The following HSD17B11 variants were observed in gnomAD, a reference collection of about 807,000 sequenced individuals.
HSD17B11 encodes the protein estradiol 17-beta-dehydrogenase 11.
In HSD17B11, 22 loss-of-function variants were observed where a neutral mutation model predicts 27.8. That is an observed-to-expected ratio of 0.79 (90% CI 0.56 to 1.13). HSD17B11 has a LOEUF of 1.13. Ranked by LOEUF, HSD17B11 falls within the 50% of genes most tolerant of loss-of-function variation. HSD17B11 has a pLI of 0.00. For missense variants in HSD17B11, 314 were observed against 351.1 expected (o/e 0.89, Z 0.84); for synonymous variants, 117 against 132.8 (o/e 0.88, Z 0.82).
At chr4:87,388,278 C>T (rs2110135939) in intron 1 of HSD17B11, among the ~76,000 whole-genome samples, 1 of 152,052 alleles carries the variant, frequency 6.6e-6, no homozygotes, top group African/African-American at 2.4e-5. Flanking sequence ...ATTCTACATT[C>T]TTTTCTTCAT....
intron 5 of HSD17B11, among the ~76,000 whole-genome samples, chr4:87,342,580 T>A (rs774718032): frequency 9.2e-5 from 14 of 152,060 alleles, no homozygotes; most frequent in Non-Finnish European, 1.8e-4. Flanking sequence ...TGAAATTCTT[T>A]AGAAATAAAT....
At chr4:87,384,444 C>T (rs566028805) in intron 1 of HSD17B11, among the ~76,000 whole-genome samples, 4 of 151,982 alleles carry the variant, frequency 2.6e-5, no homozygotes, top group East Asian at 1.9e-4. Context: ...CCTGTGGGGT[C>T]GGGCAAAAAA....
rs574419093 is a variant in HSD17B11 at position 87,372,927 on chromosome 4, G to GA, written c.451-113dup. On this transcript the variant is annotated intron_variant, in intron 3 of 6. Coordinates refer to ENST00000358290, the MANE Select transcript of HSD17B11 (RefSeq NM_016245.5). The stretch of plus-strand genomic sequence containing the variant: ...TTTTAACATTAATCCTGTCATAAAT[G>GA]AAAAAAACAAACTAACTGACAAATG... 77 of 658,842 alleles carry GA rather than the reference G, an allele frequency of 1.2e-4. 1 individual carries two copies. In the South Asian group the frequency reaches 1.5e-3, roughly 13 times the overall value. 40.8% of individuals were successfully genotyped at this position (658,842 alleles called of 1,614,324 possible). A position where few individuals can be genotyped will look rare whatever the true frequency, so the allele number is the denominator to read the frequency against.
intron 4 of HSD17B11, among the ~76,000 whole-genome samples, chr4:87,357,854 A>AT (rs57790256): frequency 0.038 from 5,657 of 150,350 alleles, 371 homozygotes; most frequent in African/African-American, 0.13. Flanking sequence ...GCCTTTCCTA[A>AT]CCCCCAGTCT....
At chr4:87,355,061 G>C (rs933407504) in intron 5 of HSD17B11, among the ~76,000 whole-genome samples, 13 of 151,746 alleles carry the variant, frequency 8.6e-5, no homozygotes, top group African/African-American at 3.1e-4. Context: ...GTTACAGTGA[G>C]CCATGATCAC....
chr4:87,340,650 G>T lies in HSD17B11; in HGVS notation c.696-44C>A, dbSNP rs565393879. The stretch of plus-strand genomic sequence containing the variant: ...TTCAGAAACAAAATACTTCACCGAG[G>T]CTTCAGCTTTAGTTTGGTGCTAACC... On this transcript the variant is annotated intron_variant, in intron 5 of 6. Coordinates refer to ENST00000358290, the MANE Select transcript of HSD17B11 (RefSeq NM_016245.5). 1.9e-5 allele frequency: 25 copies of T among 1,329,082 alleles called. No homozygotes were observed. The South Asian group carries it at 2.2e-4, about 11-fold the overall frequency. The allele number at this position is 1,329,082 out of a possible 1,614,324, so 82.3% of individuals were successfully genotyped here.
At chr4:87,382,577 A>G (rs1720205260) in intron 1 of HSD17B11, among the ~76,000 whole-genome samples, 1 of 152,238 alleles carries the variant, frequency 6.6e-6, no homozygotes, top group Non-Finnish European at 1.5e-5. Flanking sequence ...ATTTAAAGCA[A>G]GCTTCTTAAA....
chr4:87,361,573 C>T (rs1252487448), intron 4 of HSD17B11, among the ~76,000 whole-genome samples: 5 of 152,058 alleles, frequency 3.3e-5, no homozygotes, highest in African/African-American at 9.7e-5. Flanking sequence ...CGAGACCATC[C>T]TGGCTAACAC....
chr4:87,340,354 T>C, intron 6 of HSD17B11, 136 bp downstream of exon 6: 1 of 536,644 alleles, frequency 1.9e-6, no homozygotes, highest in Non-Finnish European at 3.3e-6. Flanking sequence ...CTCAATGTTA[T>C]TGAGCCTGTT....
At chr4:87,346,216 C>A (rs1440637569) in intron 5 of HSD17B11, among the ~76,000 whole-genome samples, 1 of 152,146 alleles carries the variant, frequency 6.6e-6, no homozygotes, top group African/African-American at 2.4e-5. Context: ...TGACATGATA[C>A]AACGTTCCTT....
chr4:87,374,252 G>A (rs1288953565), intron 3 of HSD17B11: 1 of 154,066 alleles, frequency 6.5e-6, no homozygotes, highest in Non-Finnish European at 1.4e-5. Context: ...AGCCTGGGAA[G>A]TTGGGGCTGC....
chr4:87,380,554 C>G (rs935703221), intron 2 of HSD17B11, among the ~76,000 whole-genome samples: 1 of 150,724 alleles, frequency 6.6e-6, no homozygotes, highest in Non-Finnish European at 1.5e-5. Flanking sequence ...CTCAAAATAG[C>G]TACTTCAAAA....
In HSD17B11 at chr4:87,357,261, C is replaced by G; in HGVS notation, c.695+18G>C. 6.2e-7 allele frequency: 1 copy of G among 1,607,678 alleles called. No individual in the cohort carries two copies. On this transcript the variant is annotated intron_variant, in intron 5 of 6. Coordinates refer to ENST00000358290, the MANE Select transcript of HSD17B11 (RefSeq NM_016245.5). ...TCATAGCAACCACCAATCCTTTTGT[C>G]TCAATTTCTCAACTTACCTTGTACT...
At chr4:87,369,798 G>C (rs1735676054) in intron 4 of HSD17B11, among the ~76,000 whole-genome samples, 1 of 152,084 alleles carries the variant, frequency 6.6e-6, no homozygotes, top group Admixed American at 6.6e-5. Flanking sequence ...GTTTTACTGA[G>C]CGTTCCCATA....
chr4:87,382,147 T>C (rs1262744012), intron 2 of HSD17B11, 108 bp downstream of exon 2: 1 of 803,604 alleles, frequency 1.2e-6, no homozygotes, highest in African/African-American at 1.7e-5. Context: ...CTTGGTCAAA[T>C]AACAACATTT....
chr4:87,345,500 G>GA (rs999697304), intron 5 of HSD17B11, among the ~76,000 whole-genome samples: 8 of 151,922 alleles, frequency 5.3e-5, no homozygotes, highest in Admixed American at 3.3e-4. Flanking sequence ...AAACTACAGA[G>GA]AAAATCAATG....
chr4:87,367,327 G>C (rs1209840770), intron 4 of HSD17B11, among the ~76,000 whole-genome samples: 1 of 152,060 alleles, frequency 6.6e-6, no homozygotes, highest in African/African-American at 2.4e-5. Context: ...TCTGACCTAT[G>C]GTAAGTAAAG....
At chr4:87,361,722 G>C (rs1030507118) in intron 4 of HSD17B11, among the ~76,000 whole-genome samples, 1 of 152,142 alleles carries the variant, frequency 6.6e-6, no homozygotes, top group Non-Finnish European at 1.5e-5. Flanking sequence ...AGCTGAGATC[G>C]CGCCGCTGCA....
chr4:87,391,167 G>C lies in HSD17B11; in HGVS notation c.-97C>G, dbSNP rs1364243005. 4 of 858,560 alleles carry C rather than the reference G, an allele frequency of 4.7e-6. No individual in the cohort carries two copies. In the Admixed American group the frequency reaches 1.1e-4, roughly 23 times the overall value. The allele number at this position is 858,560 out of a possible 1,614,324, so 53.2% of individuals were successfully genotyped here. A position where few individuals can be genotyped will look rare whatever the true frequency, so the allele number is the denominator to read the frequency against. On this transcript the variant is annotated 5_prime_UTR_variant, in exon 1 of 7. Transcript: ENST00000358290. Reference sequence around the variant, plus strand: ...GCTCGATCTAACACCAGAAAGAGTAGGGGCGAGAGCAAGGAGGAACTCCCG... The same window carrying C: ...GCTCGATCTAACACCAGAAAGAGTACGGGCGAGAGCAAGGAGGAACTCCCG...
Sources: allele counts gnomAD v4.1 joint callset (sites outside exome capture counted in the v4.1 genomes callset), GRCh38; gene constraint gnomAD v4.1.1; transcripts MANE v1.5; gene names NCBI Gene and HGNC (gene_info 2026-07-23, HGNC 2026-07-21).